The following SH3RF1 variants were observed in gnomAD, a reference collection of about 807,000 sequenced individuals.
SH3RF1 encodes SH3 domain containing ring finger 1.
Under a neutral mutation model 74.0 loss-of-function variants are expected in SH3RF1, and 32 were observed. The ratio of observed to expected loss-of-function variants is 0.43; its 90% CI spans 0.33 to 0.58. The LOEUF (loss-of-function observed/expected upper bound fraction) is 0.58, where lower values mean the gene tolerates loss of function less well. Ranked by LOEUF, SH3RF1 falls within the 20% of genes least tolerant of loss-of-function variation. SH3RF1 has a pLI of 0.05. For synonymous variants in SH3RF1, 396 were observed against 439.6 expected, an observed-to-expected ratio of 0.90 and a Z score of 1.24; for missense variants, 954 against 1,130.9, an observed-to-expected ratio of 0.84 and a Z score of 2.24.
intron 5 of SH3RF1, among the ~76,000 whole-genome samples, chr4:169,133,758 G>A (rs1733654126): frequency 2.0e-5 from 3 of 152,242 alleles, no homozygotes. Context: ...CTTGGTGACA[G>A]AGTGAGACTC....
intron 5 of SH3RF1, among the ~76,000 whole-genome samples, chr4:169,135,110 T>A (rs578190469): frequency 1.5e-4 from 23 of 152,252 alleles, no homozygotes; most frequent in African/African-American, 5.5e-4. Context: ...CCAGGTAGGA[T>A]GTTCACTTGA....
At chr4:169,169,972 G>A (rs554282100) in intron 2 of SH3RF1, among the ~76,000 whole-genome samples, 3 of 151,882 alleles carry the variant, frequency 2.0e-5, no homozygotes, top group Non-Finnish European at 2.9e-5. Flanking sequence ...TCCATTATTC[G>A]ACTGTGCAAG....
intron 2 of SH3RF1, among the ~76,000 whole-genome samples, chr4:169,184,895 T>A (rs1041390467): frequency 2.6e-5 from 4 of 152,174 alleles, no homozygotes; most frequent in African/African-American, 9.7e-5. Context: ...GGATTGTCTG[T>A]GAGATAAACG....
intron 2 of SH3RF1, among the ~76,000 whole-genome samples, chr4:169,202,708 C>A (rs887896136): frequency 2.0e-5 from 3 of 152,148 alleles, no homozygotes; most frequent in Admixed American, 1.3e-4. Flanking sequence ...CTAGCAACTT[C>A]AAGAAAAGTG....
At position 169,155,607 on chromosome 4, in the gene SH3RF1, A is replaced by T. The variant is rs930382652; in HGVS notation, c.670-32T>A. ...AAACAGCAAATCATTAATCTACCTG[A>T]TCATTAAGCTGTACCATTAAGCTTG... On this transcript the variant is annotated intron_variant, in intron 3 of 11. Coordinates refer to ENST00000284637, the MANE Select transcript of SH3RF1 (RefSeq NM_020870.4). 4 of 1,459,144 alleles carry T rather than the reference A, an allele frequency of 2.7e-6. No homozygotes were observed. In the African/African-American group the frequency reaches 5.6e-5, roughly 20 times the overall value. The allele number at this position is 1,459,144 out of a possible 1,614,324, so 90.4% of individuals were successfully genotyped here. A position where few individuals can be genotyped will look rare whatever the true frequency, so the allele number is the denominator to read the frequency against.
chr4:169,164,648 C>A (rs72706466), intron 2 of SH3RF1, among the ~76,000 whole-genome samples: 12,279 of 152,202 alleles, frequency 0.081, 765 homozygotes, highest in East Asian at 0.18. Flanking sequence ...TGAGCAGGCA[C>A]TGCAAATTGG....
At chr4:169,189,626 G>A (rs1734666170) in intron 2 of SH3RF1, among the ~76,000 whole-genome samples, 1 of 152,216 alleles carries the variant, frequency 6.6e-6, no homozygotes, top group South Asian at 2.1e-4. Context: ...GGTGGCCTAT[G>A]CTGTTAGAGA....
chr4:169,119,422 C>T (rs1395895085), intron 8 of SH3RF1, among the ~76,000 whole-genome samples: 1 of 151,372 alleles, frequency 6.6e-6, no homozygotes, highest in Non-Finnish European at 1.5e-5. Context: ...GCCACTGCAC[C>T]CGGCTATACA....
intron 2 of SH3RF1, among the ~76,000 whole-genome samples, chr4:169,179,783 T>C (rs1219259828): frequency 1.3e-5 from 2 of 152,232 alleles, no homozygotes; most frequent in Non-Finnish European, 2.9e-5. Flanking sequence ...AAAATTTACT[T>C]TGAATAAATT....
chr4:169,117,741 G>A lies in SH3RF1; in HGVS notation c.1559C>T (p.Thr520Ile), dbSNP rs372894630. ...NASQAKVPMS[T>I]AGQTSRGVTM... ...CACTCCCCGACTTGTCTGGCCAGCT[G>A]TAGACATAGGGACTTTAGCTTGGGA... The change falls in exon 9 of 12, where the codon ACA becomes ATA. Residue 520 changes from threonine to isoleucine, a missense_variant. Thr to Ile is a moderately conservative substitution (Grantham distance 89). Coordinates refer to ENST00000284637, the MANE Select transcript of SH3RF1 (RefSeq NM_020870.4). 20 of 1,614,126 alleles carry A rather than the reference G, an allele frequency of 1.2e-5. No homozygotes were observed. In the African/African-American group the frequency reaches 1.7e-4, roughly 14 times the overall value.
At chr4:169,164,190 A>G (rs1401849989) in intron 2 of SH3RF1, among the ~76,000 whole-genome samples, 1 of 152,184 alleles carries the variant, frequency 6.6e-6, no homozygotes, top group Non-Finnish European at 1.5e-5. Flanking sequence ...AACCTCCTGG[A>G]GACCTGGGAC....
chr4:169,200,310 T>C (rs547175803), intron 2 of SH3RF1, among the ~76,000 whole-genome samples: 2 of 152,320 alleles, frequency 1.3e-5, no homozygotes, highest in East Asian at 1.9e-4. Flanking sequence ...CCTGTTTATA[T>C]GTTAAGCCAC....
chr4:169,097,939 T>C (rs1249246577), intron 11 of SH3RF1, among the ~76,000 whole-genome samples: 1 of 152,228 alleles, frequency 6.6e-6, no homozygotes, highest in African/African-American at 2.4e-5. Context: ...GGTAAGGCAC[T>C]GAGGCCTCTT....
intron 2 of SH3RF1, among the ~76,000 whole-genome samples, chr4:169,229,688 A>C (rs957176095): frequency 6.6e-5 from 10 of 152,218 alleles, no homozygotes; most frequent in Non-Finnish European, 1.3e-4. Context: ...ATATCTCCAC[A>C]GAGTATTACT....
At chr4:169,168,930 T>C (rs1488100123) in intron 2 of SH3RF1, among the ~76,000 whole-genome samples, 2 of 152,116 alleles carry the variant, frequency 1.3e-5, no homozygotes, top group Admixed American at 6.5e-5. Context: ...GAAAATGAAA[T>C]GAGAATATGA....
intron 2 of SH3RF1, among the ~76,000 whole-genome samples, chr4:169,249,299 C>G (rs1731059749): frequency 6.6e-6 from 1 of 152,130 alleles, no homozygotes; most frequent in Admixed American, 6.5e-5. Context: ...GTGATAAAGC[C>G]CCTTATAAAA....
intron 11 of SH3RF1, among the ~76,000 whole-genome samples, chr4:169,098,021 T>C (rs1171880084): frequency 1.3e-5 from 2 of 152,266 alleles, no homozygotes; most frequent in African/African-American, 2.4e-5. Context: ...CCAGCCCCAG[T>C]TGAGCATCAG....
intron 4 of SH3RF1, among the ~76,000 whole-genome samples, chr4:169,150,026 C>T (rs1189725967): frequency 6.6e-6 from 1 of 152,162 alleles, no homozygotes; most frequent in African/African-American, 2.4e-5. Flanking sequence ...AAGCTAGCAC[C>T]CCCACCTTTA....
In SH3RF1 at chr4:169,130,095, C is replaced by A. The variant is rs776550062; in HGVS notation, c.1130G>T (p.Gly377Val). 5.6e-6 allele frequency: 9 copies of A among 1,612,834 alleles called. No individual in the cohort carries two copies. Among genetic ancestry groups the A allele is most frequent in the Admixed American group, 1.7e-5 (1 of 59,808 alleles). ...ATCTGATGGGAAAGTAAACGAGGGG[C>A]CAGTTGTCACTGGGCTGCTTGGGGG... ...TPPPSSPVTTGPSFTFPSDVP... is the reference protein window; with the variant it reads ...TPPPSSPVTTVPSFTFPSDVP... Residue 377 changes from glycine to valine, a missense_variant, in exon 6 of 12, where the codon GGC (glycine) becomes GTC (valine). By Grantham distance (109) the Gly-to-Val change is moderately radical (BLOSUM62 -3). Transcript: ENST00000284637.
Sources: gnomAD v4.1 joint callset for allele counts (sites outside exome capture counted in the v4.1 genomes callset) on GRCh38, gnomAD v4.1.1 for gene constraint, MANE v1.5 for transcripts, NCBI Gene and HGNC (gene_info 2026-07-23, HGNC 2026-07-21) for gene names.